Variants in TNS1 observed in about 807,000 individuals in gnomAD.
The protein encoded by TNS1 is tensin-1.
Under a neutral mutation model 168.6 loss-of-function variants are expected in TNS1, and 62 were observed. The ratio of observed to expected loss-of-function variants is 0.37; its 90% CI spans 0.30 to 0.45. The LOEUF (loss-of-function observed/expected upper bound fraction) is 0.45, where lower values mean the gene tolerates loss of function less well. Ranked by LOEUF, TNS1 falls within the 20% of genes least tolerant of loss-of-function variation. TNS1 has a pLI of 1.00. For missense variants in TNS1, 2,240 were observed against 2,339.4 expected, an observed-to-expected ratio of 0.96 and a Z score of 0.88; for synonymous variants, 934 against 933.2, an observed-to-expected ratio of 1.00 and a Z score of -0.02.
intron 6 of TNS1, chr2:217,905,267 A>AC: frequency 6.0e-6 from 2 of 330,950 alleles, no homozygotes; most frequent in South Asian, 4.5e-5. Context: ...CAGTATGAGT[A>AC]CCCCACGCCC....
chr2:217,911,566 A>G (rs1299661955), intron 4 of TNS1, among the ~76,000 whole-genome samples: 1 of 152,188 alleles, frequency 6.6e-6, no homozygotes, highest in East Asian at 1.9e-4. Flanking sequence ...TCATTTAGGG[A>G]TGGCAATGCC....
At chr2:218,029,153 A>AC (rs975558141) in intron 1 of TNS1, among the ~76,000 whole-genome samples, 2 of 151,940 alleles carry the variant, frequency 1.3e-5, no homozygotes, top group Non-Finnish European at 2.9e-5. Flanking sequence ...TGATCGGTGG[A>AC]CCCCCACCCA....
Position 217,859,267 on chromosome 2 carries a change from AT to A in TNS1, c.1430-10181del, listed in dbSNP as rs549843660. The A allele has an allele frequency of 6.7e-3, 1,641 of 244,744 alleles. 8 individuals are homozygous for A. Among genetic ancestry groups the A allele is most frequent in the Non-Finnish European group, 9.8e-3 (1,258 of 128,598 alleles). 15.2% of individuals were successfully genotyped at this position (244,744 alleles called of 1,614,324 possible). ...AGATTTATTTCCCCAAATTTTCCAC[AT>A]TTTTTTTCCATTCTCAGCAAATGGA... On this transcript the variant is annotated intron_variant, in intron 18 of 32. Transcript: ENST00000682258.
chr2:217,837,908 C>A (rs1321898943), intron 19 of TNS1, among the ~76,000 whole-genome samples: 1 of 152,246 alleles, frequency 6.6e-6, no homozygotes, highest in Non-Finnish European at 1.5e-5. Context: ...CAACCCCAGG[C>A]TCCCAGGCCT....
At chr2:217,840,872 G>C (rs551182251) in intron 19 of TNS1, among the ~76,000 whole-genome samples, 7 of 152,246 alleles carry the variant, frequency 4.6e-5, no homozygotes, top group Admixed American at 2.0e-4. Flanking sequence ...TTCCCAGCAG[G>C]CAAGGCCAAG....
intron 6 of TNS1, among the ~76,000 whole-genome samples, chr2:217,905,747 C>T (rs936205513): frequency 2.0e-5 from 3 of 152,194 alleles, no homozygotes; most frequent in Non-Finnish European, 4.4e-5. Context: ...GCTCAAAGCA[C>T]GTCCTGGAAG....
chr2:217,921,248 G>C (rs769658562), intron 3 of TNS1, among the ~76,000 whole-genome samples: 1 of 152,158 alleles, frequency 6.6e-6, no homozygotes, highest in Non-Finnish European at 1.5e-5. Flanking sequence ...ACCAGGCAAG[G>C]GGCCCACAGT....
intron 23 of TNS1, among the ~76,000 whole-genome samples, chr2:217,821,329 C>T (rs1471676689): frequency 6.6e-6 from 1 of 152,124 alleles, no homozygotes; most frequent in Non-Finnish European, 1.5e-5. Flanking sequence ...AATAATAGTG[C>T]TCACCTCCTA....
intron 3 of TNS1, among the ~76,000 whole-genome samples, chr2:217,933,725 T>C (rs1230762852): frequency 6.6e-6 from 1 of 152,108 alleles, no homozygotes; most frequent in African/African-American, 2.4e-5. Context: ...CAAATTCTCC[T>C]CACACTTGCC....
chr2:217,878,012 T>G (rs1003395129), intron 18 of TNS1, among the ~76,000 whole-genome samples: 1 of 152,120 alleles, frequency 6.6e-6, no homozygotes, highest in Non-Finnish European at 1.5e-5. Flanking sequence ...CTTTCAGAAA[T>G]GGCCCCAGGT....
intron 3 of TNS1, among the ~76,000 whole-genome samples, chr2:217,938,478 C>T (rs1028089468): frequency 6.6e-6 from 1 of 152,214 alleles, no homozygotes; most frequent in Non-Finnish European, 1.5e-5. Context: ...CTACCCACTA[C>T]CAACAAGGGA....
intron 2 of TNS1, among the ~76,000 whole-genome samples, chr2:217,980,529 A>C (rs1292120916): frequency 6.8e-6 from 1 of 146,486 alleles, no homozygotes; most frequent in Non-Finnish European, 1.5e-5. Flanking sequence ...AGAGAGAGAG[A>C]GAGAGAGAGA....
chr2:217,948,078 C>T lies in TNS1; in HGVS notation c.187-27842G>A, dbSNP rs1368312425. On this transcript the variant is annotated intron_variant, in intron 3 of 32. Transcript: ENST00000682258. The surrounding 1 kb of genome is among the most constrained non-coding windows in gnomAD (Gnocchi z 4.1). ...TCACCAGGTAACACAACTAGGAATT[C>T]CAGGTCCCAGCACTACCTCCGGAGG... Among the ~76,000 whole-genome samples the T allele has an allele frequency of 6.6e-6, 1 of 152,206 alleles. No homozygotes were observed. Among genetic ancestry groups the T allele is most frequent in the Non-Finnish European group, 1.5e-5 (1 of 68,038 alleles).
chr2:217,953,172 G>C (rs1020872707), intron 3 of TNS1, among the ~76,000 whole-genome samples: 3 of 152,108 alleles, frequency 2.0e-5, no homozygotes, highest in African/African-American at 7.2e-5. Context: ...GGGATCTGCA[G>C]GGCCCAGATG....
intron 3 of TNS1, among the ~76,000 whole-genome samples, chr2:217,972,952 A>G (rs1014585222): frequency 4.6e-5 from 7 of 152,366 alleles, no homozygotes; most frequent in Middle Eastern, 3.4e-3. Context: ...TAATAAATAC[A>G]TAAATAAAAG....
chr2:217,838,303 C>G (rs1438296436), intron 19 of TNS1, among the ~76,000 whole-genome samples: 1 of 152,242 alleles, frequency 6.6e-6, no homozygotes, highest in African/African-American at 2.4e-5. Context: ...TTCTGCCCAA[C>G]CTTCCCAAAG....
chr2:217,988,393 G>A (rs773595487), intron 2 of TNS1, among the ~76,000 whole-genome samples: 9 of 152,182 alleles, frequency 5.9e-5, no homozygotes, highest in Non-Finnish European at 5.9e-5. Context: ...GAGGGCCACC[G>A]GAGACTGCAG....
At chr2:217,928,775 C>G (rs1956166166) in intron 3 of TNS1, among the ~76,000 whole-genome samples, 1 of 152,196 alleles carries the variant, frequency 6.6e-6, no homozygotes, top group Non-Finnish European at 1.5e-5. Context: ...CCACTGCTTC[C>G]TCTTCCATTT....
chr2:217,958,789 A>T (rs1350283797), intron 3 of TNS1, among the ~76,000 whole-genome samples: 3 of 152,190 alleles, frequency 2.0e-5, no homozygotes, highest in Admixed American at 6.5e-5. Flanking sequence ...GGCCCAGCAG[A>T]TGGTGGGTGA....
Sources: allele counts gnomAD v4.1 joint callset (sites outside exome capture counted in the v4.1 genomes callset), GRCh38; gene constraint gnomAD v4.1.1; non-coding constraint Gnocchi (gnomAD v3.1); transcripts MANE v1.5; gene names NCBI Gene and HGNC (gene_info 2026-07-23, HGNC 2026-07-21).